The following PXDN variants were observed in gnomAD, a reference collection of about 807,000 sequenced individuals.
The protein encoded by PXDN is peroxidasin homolog.
PXDN carries 77 observed loss-of-function variants against 140.3 expected under a neutral mutation model. The ratio of observed to expected loss-of-function variants is 0.55; its 90% confidence interval spans 0.46 to 0.66. PXDN has a LOEUF of 0.66. Ranked by LOEUF, PXDN falls within the 30% of genes least tolerant of loss-of-function variation. The probability of loss-of-function intolerance (pLI) is 0.00; values close to 1 mark genes in which losing one functional copy is unlikely to be tolerated. For synonymous variants in PXDN, 911 were observed against 857.4 expected (o/e 1.06, Z -1.09); for missense variants, 1,838 against 2,039.5 (o/e 0.90, Z 1.90).
At chr2:1,710,964 ACT>A (rs1162155440) in intron 1 of PXDN, among the ~76,000 whole-genome samples, 1 of 75,010 alleles carries the variant, frequency 1.3e-5, no homozygotes, top group Non-Finnish European at 2.5e-5. Flanking sequence ...ACCAGTACCC[ACT>A]CTCCACCAGC....
chr2:1,641,502 G>T (rs1281166135), intron 19 of PXDN, among the ~76,000 whole-genome samples: 1 of 152,190 alleles, frequency 6.6e-6, no homozygotes, highest in Non-Finnish European at 1.5e-5. Context: ...ATTGACATTT[G>T]GTTCTGTCAA....
chr2:1,638,904 T>C lies in PXDN; in HGVS notation c.4148A>G (p.Asn1383Ser). 6.2e-7 allele frequency: 1 copy of C among 1,613,972 alleles called. No individual in the cohort carries two copies. The highest frequency in any genetic ancestry group is 1.1e-5 in the South Asian group (1 of 91,084). ...FSTRSDASGT[N>S]DFREFVLEMQ... ...TTCCAGAACAAACTCTCTGAAGTCA[T>C]TTGTCCCAGATGCATCTGAGCGTGT... Residue 1383 changes from asparagine to serine, a missense_variant, in exon 21 of 23, where the codon AAT becomes AGT. Coordinates refer to ENST00000252804, the MANE Select transcript of PXDN (RefSeq NM_012293.3).
Position 1,635,477 on chromosome 2 carries a change from A to G in PXDN, c.4251T>C (p.Asp1417=), listed in dbSNP as rs978117510. The G allele has an allele frequency of 3.7e-6, 6 of 1,601,414 alleles. No individual in the cohort carries two copies. In the Admixed American group the frequency reaches 1.0e-4, roughly 28 times the overall value. The change falls in exon 22 of 23, where the codon GAT becomes GAC. Residue 1417 remains aspartate, a synonymous_variant. Transcript: ENST00000252804. ...ESRLSTTECV[D]AGGESHANNT... ...TGTTGGCGTGAGATTCGCCCCCGGC[A>G]TCCACGCACTCTGTGGTACTGAGCC...
At chr2:1,653,431 T>C in intron 16 of PXDN, 197 bp downstream of exon 16, 2 of 818,274 alleles carry the variant, frequency 2.4e-6, no homozygotes, top group South Asian at 3.0e-5. Flanking sequence ...CCCCCAGAGA[T>C]TCCTATTAAA....
rs533946436 is a variant in PXDN, at chr2:1,639,239, C to A, written c.4073+63G>T. Reference sequence around the variant, plus strand: ...GGCCCACAGCAGGATGCCGGTCCTACTGCCCGACGCCCGCGGTGCGAGGGC... The same window carrying A: ...GGCCCACAGCAGGATGCCGGTCCTAATGCCCGACGCCCGCGGTGCGAGGGC... On this transcript the variant is annotated intron_variant, in intron 20 of 22. Transcript: ENST00000252804. This position sits in a 1 kb window ranked among gnomAD's most constrained non-coding sequence, Gnocchi z 5.0. 5,755 of 1,561,862 alleles carry A rather than the reference C, an allele frequency of 3.7e-3. 18 individuals carry two copies. The highest frequency in any genetic ancestry group is 4.7e-3 in the Non-Finnish European group (5,388 of 1,152,784).
At chr2:1,654,290 T>G in intron 15 of PXDN, 110 bp downstream of exon 15, 1 of 706,696 alleles carries the variant, frequency 1.4e-6, no homozygotes, top group Non-Finnish European at 2.3e-6. Context: ...GATCATCAGA[T>G]AATCAAATCA....
intron 1 of PXDN, among the ~76,000 whole-genome samples, chr2:1,734,965 A>T (rs952968942): frequency 6.6e-6 from 1 of 152,232 alleles, no homozygotes; most frequent in African/African-American, 2.4e-5. Context: ...TTTAGGGAAT[A>T]TTCTAGATCC....
chr2:1,647,700 G>A (rs1682882628), intron 17 of PXDN, among the ~76,000 whole-genome samples: 1 of 152,210 alleles, frequency 6.6e-6, no homozygotes, highest in East Asian at 1.9e-4. Context: ...CAAGCCTTAG[G>A]GGCTGGTGGC....
intron 12 of PXDN, among the ~76,000 whole-genome samples, chr2:1,663,053 C>T (rs1450428009): frequency 4.6e-5 from 7 of 152,284 alleles, no homozygotes; most frequent in East Asian, 1.9e-4. Context: ...ATCAGTGCTA[C>T]GCTGATTCTA....
intron 1 of PXDN, among the ~76,000 whole-genome samples, chr2:1,720,732 A>G (rs1286349872): frequency 7.1e-6 from 1 of 140,958 alleles, no homozygotes; most frequent in Non-Finnish European, 1.5e-5. Flanking sequence ...TCTCACACAC[A>G]CACACACACA....
rs1187563568 is a variant in PXDN at position 1,662,113 on chromosome 2, T to C, written c.1639A>G (p.Ser547Gly). Residue 547 changes from serine to glycine, a missense_variant, in exon 13 of 23, where the codon AGC becomes GGC. Transcript: ENST00000252804. ...EVGANVQLPC[S>G]SQGEPEPAIT... ...GCTGGCTCGGGCTCGCCCTGGGAGCTGCACGGGAGCTGCACATTGGCGCCC... is the reference window on the plus strand; with the variant it reads ...GCTGGCTCGGGCTCGCCCTGGGAGCCGCACGGGAGCTGCACATTGGCGCCC... The C allele has an allele frequency of 6.3e-7, 1 of 1,597,932 alleles. No individual in the cohort carries two copies. The highest frequency in any genetic ancestry group is 8.5e-7 in the Non-Finnish European group (1 of 1,172,790).
Position 1,687,524 on chromosome 2 carries a change from G to A in PXDN, c.416+108C>T. 2 of 764,750 alleles carry A rather than the reference G, an allele frequency of 2.6e-6. No homozygotes were observed. The highest frequency in any genetic ancestry group is 3.9e-6 in the Non-Finnish European group (2 of 511,918). 47.4% of individuals were successfully genotyped at this position (764,750 alleles called of 1,614,324 possible). A position where few individuals can be genotyped will look rare whatever the true frequency, so the allele number is the denominator to read the frequency against. On this transcript the variant is annotated intron_variant, in intron 4 of 22. Coordinates refer to ENST00000252804, the MANE Select transcript of PXDN (RefSeq NM_012293.3). The surrounding 1 kb of genome is among the most constrained non-coding windows in gnomAD (Gnocchi z 4.0). ...GCACGTACTCCCCGCACCTCAGGTA[G>A]CATAGTCATGCATCATGCAAACAGC...
chr2:1,702,986 G>A (rs2382556), intron 1 of PXDN, among the ~76,000 whole-genome samples: 163 of 42,828 alleles, frequency 3.8e-3, no homozygotes, highest in South Asian at 0.014. Context: ...AACTCCAGGT[G>A]AAGGGGGGGA....
chr2:1,714,352 G>A lies in PXDN; in HGVS notation c.201-21218C>T, dbSNP rs535312688. 5.9e-5 allele frequency among the ~76,000 whole-genome samples: 9 copies of A among 152,272 alleles called. No individual in the cohort carries two copies. The Middle Eastern group carries it at 0.024, about 403-fold the overall frequency. ...GATGGTCCGGCACCCTGGCCCACTC[G>A]CTCCCATGCCTTTGAGAGGAGATCA... On this transcript the variant is annotated intron_variant, in intron 1 of 22. Coordinates refer to ENST00000252804, the MANE Select transcript of PXDN (RefSeq NM_012293.3). The surrounding 1 kb of genome is among the most constrained non-coding windows in gnomAD (Gnocchi z 4.3).
upstream of PXDN, chr2:1,744,608 AT>A (rs973456509): frequency 4.0e-5 from 25 of 629,650 alleles, no homozygotes; most frequent in Non-Finnish European, 5.5e-5. Flanking sequence ...GCCCCTCTGA[AT>A]CCCCGAGGGC....
rs1684034008 is a variant in PXDN, at chr2:1,685,577, C to G, written c.417-1426G>C. ...TGCAGGCAGGCAGGGGTGGAGTCCC[C>G]CAAGCAAAGCCCAGAAGGATGAGGA... is the stretch of plus-strand genomic sequence containing the variant. On this transcript the variant is annotated intron_variant, in intron 4 of 22. Transcript: ENST00000252804. The surrounding 1 kb of genome is among the most constrained non-coding windows in gnomAD (Gnocchi z 5.1). Among the ~76,000 whole-genome samples, 1 of 152,010 alleles carries G rather than the reference C, an allele frequency of 6.6e-6. No homozygotes were observed. The highest frequency in any genetic ancestry group is 1.5e-5 in the Non-Finnish European group (1 of 67,994).
intron 7 of PXDN, among the ~76,000 whole-genome samples, chr2:1,678,238 G>C (rs1219356669): frequency 6.6e-6 from 1 of 151,952 alleles, no homozygotes; most frequent in Non-Finnish European, 1.5e-5. Context: ...CACACTCCCC[G>C]ATTCCCTCTC....
chr2:1,731,032 G>GT (rs1187026226), intron 1 of PXDN, among the ~76,000 whole-genome samples: 4 of 152,226 alleles, frequency 2.6e-5, no homozygotes, highest in South Asian at 2.1e-4. Context: ...TAAAATCACT[G>GT]TAAGTCCCAG....
intron 3 of PXDN, among the ~76,000 whole-genome samples, chr2:1,690,819 C>T (rs983608710): frequency 6.6e-6 from 1 of 152,096 alleles, no homozygotes; most frequent in South Asian, 2.1e-4. Flanking sequence ...TGACAAATAT[C>T]GCACAGAGGG....
Sources: gnomAD v4.1 joint callset for allele counts (sites outside exome capture counted in the v4.1 genomes callset) on GRCh38, gnomAD v4.1.1 for gene constraint, Gnocchi (gnomAD v3.1) non-coding constraint, MANE v1.5 for transcripts, NCBI Gene and HGNC (gene_info 2026-07-23, HGNC 2026-07-21) for gene names.